Variants in PAQR5 observed in about 807,000 individuals in gnomAD.
The protein encoded by PAQR5 is membrane progestin receptor gamma.
Under a neutral mutation model 34.5 loss-of-function variants are expected in PAQR5, and 20 were observed. That is an observed-to-expected ratio of 0.58 (90% CI 0.41 to 0.84). The LOEUF (loss-of-function observed/expected upper bound fraction) is 0.84, where lower values mean the gene tolerates loss of function less well. Ranked by LOEUF, PAQR5 falls within the 40% of genes least tolerant of loss-of-function variation. The probability of loss-of-function intolerance (pLI) is 0.00; values close to 1 mark genes in which losing one functional copy is unlikely to be tolerated. For synonymous variants in PAQR5, 131 were observed against 155.6 expected (o/e 0.84, Z 1.18); for missense variants, 378 against 412.7 (o/e 0.92, Z 0.73).
chr15:69,354,962 C>T (rs182353218), intron 2 of PAQR5, among the ~76,000 whole-genome samples: 2 of 152,304 alleles, frequency 1.3e-5, no homozygotes, highest in Non-Finnish European at 2.9e-5. Flanking sequence ...AGGACTTGCA[C>T]CTCCACCCCG....
rs1270003563 is a variant in PAQR5, at chr15:69,390,352, A to ATTTTTT, written c.512+575_512+576insTTTTTT. On this transcript the variant is annotated intron_variant, in intron 6 of 8. Coordinates refer to ENST00000395407, the MANE Select transcript of PAQR5 (RefSeq NM_017705.4). ...TATTTATTTATTTATTTATTTATTT[A>ATTTTTT]TTTATTTATTTTTTTGAGACAGGGT... Among the ~76,000 whole-genome samples the ATTTTTT allele has an allele frequency of 2.1e-4, 27 of 128,162 alleles. 2 individuals carry two copies. Among genetic ancestry groups the ATTTTTT allele is most frequent in the African/African-American group, 2.5e-4 (9 of 36,184 alleles). 84.1% of individuals were successfully genotyped at this position (128,162 alleles called of 152,430 possible).
chr15:69,330,886 C>T (rs1595862312), intron 1 of PAQR5, among the ~76,000 whole-genome samples: 1 of 152,178 alleles, frequency 6.6e-6, no homozygotes, highest in East Asian at 1.9e-4. Flanking sequence ...AATTTGGTGG[C>T]TCATCCAGGA....
chr15:69,379,804 G>A (rs1001407035), intron 3 of PAQR5, 79 bp from the exon 4 acceptor site: 11 of 1,523,636 alleles, frequency 7.2e-6, no homozygotes, highest in African/African-American at 6.8e-5. Context: ...CACAGAGCAC[G>A]GCCTGGAAGA....
At position 69,346,297 on chromosome 15, in the gene PAQR5, ATTTTTTT is replaced by A. The variant is rs34728909; in HGVS notation, c.-116+8816_-116+8822del. 2.7e-4 allele frequency among the ~76,000 whole-genome samples: 22 copies of A among 81,494 alleles called. No individual in the cohort carries two copies. In the East Asian group the frequency reaches 3.7e-3, roughly 14 times the overall value. The allele number at this position is 81,494 out of a possible 152,430, so 53.5% of individuals were successfully genotyped here. A position where few individuals can be genotyped will look rare whatever the true frequency, so the allele number is the denominator to read the frequency against. On this transcript the variant is annotated intron_variant, in intron 2 of 8. Coordinates refer to ENST00000395407, the MANE Select transcript of PAQR5 (RefSeq NM_017705.4). Reference sequence around the variant, plus strand: ...TGTGATTGGCCATGGATATTTTGTAATTTTTTTTTTTTTTTTTTTTTTTTTTGCGACA... The same window carrying A: ...TGTGATTGGCCATGGATATTTTGTAATTTTTTTTTTTTTTTTTTTGCGACA...
At position 69,407,488 on chromosome 15, in the gene PAQR5, A is replaced by G. The variant is rs2056761675; in HGVS notation, c.*3666A>G. The G allele has an allele frequency of 1.3e-5, 2 of 152,200 alleles. No homozygotes were observed. Among genetic ancestry groups the G allele is most frequent in the South Asian group, 4.1e-4 (2 of 4,828 alleles). 9.4% of individuals were successfully genotyped at this position (152,200 alleles called of 1,614,324 possible). A position where few individuals can be genotyped will look rare whatever the true frequency, so the allele number is the denominator to read the frequency against. On this transcript the variant is annotated 3_prime_UTR_variant, in exon 9 of 9. Transcript: ENST00000395407. ...ACACGGTACAACAACACTTCAAAAC[A>G]TATTATTTGAATTTCGGCCTCTGAT...
intron 3 of PAQR5, among the ~76,000 whole-genome samples, chr15:69,362,444 G>A (rs930923495): frequency 2.0e-5 from 3 of 152,190 alleles, no homozygotes; most frequent in Non-Finnish European, 4.4e-5. Flanking sequence ...ACATTTATTA[G>A]TATTAAAACA....
In PAQR5 at chr15:69,300,948, CTTCTTTCTTTCT is replaced by C. The variant is rs1204219653; in HGVS notation, c.-277+1946_-277+1957del. Among the ~76,000 whole-genome samples, 23 of 3,644 alleles carry C rather than the reference CTTCTTTCTTTCT, an allele frequency of 6.3e-3. 2 individuals are homozygous for C. Among genetic ancestry groups the C allele is most frequent in the Admixed American group, 0.013 (2 of 156 alleles). 2.4% of individuals were successfully genotyped at this position (3,644 alleles called of 152,430 possible). A position where few individuals can be genotyped will look rare whatever the true frequency, so the allele number is the denominator to read the frequency against. Reference sequence around the variant, plus strand: ...CTCTCTCTCTCTCTCTCTTTCTTTCCTTCTTTCTTTCTTTCTTTCTTTCTTTCTTTCTTTCTT... The same window carrying C: ...CTCTCTCTCTCTCTCTCTTTCTTTCCTTCTTTCTTTCTTTCTTTCTTTCTT... On this transcript the variant is annotated intron_variant, in intron 1 of 8. Transcript: ENST00000395407.
chr15:69,360,294 C>CA (rs1456395817), intron 3 of PAQR5, among the ~76,000 whole-genome samples, 163 bp downstream of exon 3: 162 of 152,326 alleles, frequency 1.1e-3, no homozygotes, highest in Non-Finnish European at 4.9e-4. Flanking sequence ...CCTCCTACTT[C>CA]CCCCACCTAC....
At position 69,379,763 on chromosome 15, in the gene PAQR5, G is replaced by T. The variant is rs2055828027; in HGVS notation, c.52-120G>T. 16 of 1,341,058 alleles carry T rather than the reference G, an allele frequency of 1.2e-5. No individual in the cohort carries two copies. The South Asian group carries it at 1.8e-4, about 15-fold the overall frequency. The allele number at this position is 1,341,058 out of a possible 1,614,324, so 83.1% of individuals were successfully genotyped here. A position where few individuals can be genotyped will look rare whatever the true frequency, so the allele number is the denominator to read the frequency against. ...GAGAGTGAGGGGAACAGCTTAACAG[G>T]TTAAGGACTTGGGGTCAAGCGTTCC... On this transcript the variant is annotated intron_variant, in intron 3 of 8. Transcript: ENST00000395407.
At position 69,406,713 on chromosome 15, in the gene PAQR5, A is replaced by G. The variant is rs997953703; in HGVS notation, c.*2891A>G. ...GCCAGACACTGTCTCTATAAAAAAA[A>G]GTTAAAACTAGCTGGTTGTGGTGGT... On this transcript the variant is annotated 3_prime_UTR_variant, in exon 9 of 9. Transcript: ENST00000395407. 6.6e-6 allele frequency: 1 copy of G among 152,196 alleles called. No homozygotes were observed. Among genetic ancestry groups the G allele is most frequent in the African/African-American group, 2.4e-5 (1 of 41,448 alleles). The allele number at this position is 152,196 out of a possible 1,614,324, so 9.4% of individuals were successfully genotyped here.
rs185455978 is a variant in PAQR5, at chr15:69,320,654, C to G, written c.-276-16687C>G. 1.3e-3 allele frequency among the ~76,000 whole-genome samples: 194 copies of G among 152,222 alleles called. 1 individual carries two copies. The highest frequency in any genetic ancestry group is 4.5e-3 in the African/African-American group (186 of 41,532). On this transcript the variant is annotated intron_variant, in intron 1 of 8. Transcript: ENST00000395407. ...GCTTTAGAATACCAATAAACATTGA[C>G]TTAGAAAAATACACATTCTCATTCT...
intron 1 of PAQR5, among the ~76,000 whole-genome samples, chr15:69,321,609 T>G (rs923516083): frequency 6.6e-6 from 1 of 152,236 alleles, no homozygotes; most frequent in Non-Finnish European, 1.5e-5. Flanking sequence ...TTAGTTTGTT[T>G]GAGATTTCCT....
At chr15:69,340,284 C>T (rs1252074683) in intron 2 of PAQR5, among the ~76,000 whole-genome samples, 1 of 152,122 alleles carries the variant, frequency 6.6e-6, no homozygotes, top group Non-Finnish European at 1.5e-5. Context: ...TATCTATAAA[C>T]ATATGTAACA....
At chr15:69,348,896 C>T (rs1211014642) in intron 2 of PAQR5, among the ~76,000 whole-genome samples, 1 of 152,106 alleles carries the variant, frequency 6.6e-6, no homozygotes, top group African/African-American at 2.4e-5. Flanking sequence ...CCGTGCCACT[C>T]GAACTTTGCA....
At chr15:69,368,216 C>T (rs1209344678) in intron 3 of PAQR5, among the ~76,000 whole-genome samples, 3 of 152,146 alleles carry the variant, frequency 2.0e-5, no homozygotes, top group African/African-American at 7.2e-5. Flanking sequence ...CCACGCCTGG[C>T]TAATTTTTGT....
intron 3 of PAQR5, among the ~76,000 whole-genome samples, chr15:69,364,466 A>C (rs2055329127): frequency 6.8e-6 from 1 of 148,098 alleles, no homozygotes; most frequent in African/African-American, 2.5e-5. Flanking sequence ...CATGTAATAT[A>C]TATTATATAT....
intron 5 of PAQR5, among the ~76,000 whole-genome samples, chr15:69,388,710 C>T (rs539335140): frequency 6.6e-6 from 1 of 152,384 alleles, no homozygotes; most frequent in South Asian, 2.1e-4. Context: ...CCCTCTTTGC[C>T]TGTGTGGCCA....
rs566576524 is a variant in PAQR5, at chr15:69,318,038, C to T, written c.-277+18982C>T. Among the ~76,000 whole-genome samples, 4 of 152,334 alleles carry T rather than the reference C, an allele frequency of 2.6e-5. No individual in the cohort carries two copies. In the South Asian group the frequency reaches 8.3e-4, roughly 32 times the overall value. ...TCTTCTCTGAACTTCGCCGAGCCAC[C>T]AGGCAGATCTTTTCTGAGTGCTATC... On this transcript the variant is annotated intron_variant, in intron 1 of 8. Transcript: ENST00000395407.
At chr15:69,380,879 G>A (rs2055866629) in intron 4 of PAQR5, among the ~76,000 whole-genome samples, 1 of 152,230 alleles carries the variant, frequency 6.6e-6, no homozygotes, top group Non-Finnish European at 1.5e-5. Flanking sequence ...ACTCCCTCCA[G>A]TCATGTTGAG....
Sources: gnomAD v4.1 joint callset for allele counts (sites outside exome capture counted in the v4.1 genomes callset) on GRCh38, gnomAD v4.1.1 for gene constraint, MANE v1.5 for transcripts, NCBI Gene and HGNC (gene_info 2026-07-23, HGNC 2026-07-21) for gene names.